Variants in HIVEP3 observed in about 807,000 individuals in gnomAD.
HIVEP3 encodes transcription factor HIVEP3.
HIVEP3 carries 49 observed loss-of-function variants against 152.8 expected under a neutral mutation model. The observed-to-expected ratio is 0.32, with a 90% CI of 0.26 to 0.41. HIVEP3 has a LOEUF of 0.41. Ranked by LOEUF, HIVEP3 falls within the 10% of genes least tolerant of loss-of-function variation. HIVEP3 has a pLI of 1.00. For synonymous variants in HIVEP3, 1,269 were observed against 1,289.0 expected (o/e 0.98, Z 0.33); for missense variants, 2,790 against 3,103.3 (o/e 0.90, Z 2.40).
intron 2 of HIVEP3, among the ~76,000 whole-genome samples, chr1:41,655,686 T>G (rs1645619252): frequency 6.7e-6 from 1 of 150,032 alleles, no homozygotes; most frequent in South Asian, 2.1e-4. Flanking sequence ...TTCATGCTTC[T>G]CCATGGCACT....
intron 5 of HIVEP3, among the ~76,000 whole-genome samples, chr1:41,559,679 G>T (rs997997063): frequency 6.6e-6 from 1 of 152,122 alleles, no homozygotes; most frequent in Non-Finnish European, 1.5e-5. Context: ...CCTCCTGTTG[G>T]CATATACTAA....
intron 1 of HIVEP3, among the ~76,000 whole-genome samples, chr1:41,793,188 T>TG (rs1172228566): frequency 1.3e-5 from 2 of 152,246 alleles, no homozygotes; most frequent in Non-Finnish European, 2.9e-5. Context: ...TCCTGCCTTC[T>TG]GGGGCTTCTT....
At position 41,948,772 on chromosome 1, in the gene HIVEP3, C is replaced by T. The variant is rs1433164178; in HGVS notation, n.120-30248G>A. Among the ~76,000 whole-genome samples the T allele has an allele frequency of 2.8e-5, 4 of 140,392 alleles. No homozygotes were observed. In the South Asian group the frequency reaches 8.3e-4, roughly 29 times the overall value. 92.1% of individuals were successfully genotyped at this position (140,392 alleles called of 152,430 possible). ...TTAAAACCCTTCACCAAACCTTTCC[C>T]TTAGGCATTGATAGCACCCATCAGA... On this transcript the variant is annotated intron_variant and non_coding_transcript_variant, in intron 1 of 3. Transcript: ENST00000489103.
At chr1:41,512,746 G>A in intron 8 of HIVEP3, 70 bp downstream of exon 8, 1 of 1,255,952 alleles carries the variant, frequency 8.0e-7, no homozygotes, top group Non-Finnish European at 1.1e-6. Flanking sequence ...TGATACCCAG[G>A]AGGGTGTGAA....
rs1034338085 is a variant in HIVEP3 at position 41,582,745 on chromosome 1, C to T, written c.2053G>A (p.Ala685Thr). The T allele has an allele frequency of 1.2e-6, 2 of 1,614,184 alleles. No individual in the cohort carries two copies. The highest frequency in any genetic ancestry group is 8.5e-7 in the Non-Finnish European group (1 of 1,180,022). The change falls in exon 4 of 9, where the codon GCT becomes ACT. Residue 685 changes from alanine (A) to threonine (T), a missense_variant. Physicochemically the swap from Ala to Thr is moderately conservative, Grantham distance 58. This residue lies in a region of HIVEP3 where 339 missense variants were observed against 327.0 expected (regional missense o/e 1.04). Transcript: ENST00000372583. This position sits in a 1 kb window ranked among gnomAD's most constrained non-coding sequence, Gnocchi z 4.7. ...ISAGTHTSPE[A>T]EKSQIEHEPW... ...TCATGCTCAATCTGACTCTTTTCAG[C>T]TTCTGGAGATGTGTGGGTGCCTGCA...
At chr1:41,907,712 G>A (rs1644736531) in intron 1 of HIVEP3, among the ~76,000 whole-genome samples, 1 of 152,152 alleles carries the variant, frequency 6.6e-6, no homozygotes, top group African/African-American at 2.4e-5. Flanking sequence ...ACCAAGAAGT[G>A]AGCAGCAGGA....
intron 1 of HIVEP3, among the ~76,000 whole-genome samples, chr1:41,741,030 C>T: frequency 6.6e-6 from 1 of 151,972 alleles, no homozygotes; most frequent in East Asian, 1.9e-4. Flanking sequence ...GGACTCCTAC[C>T]ATGTGCCAGC....
rs552879648 is a variant in HIVEP3, at chr1:41,637,421, A to G, written c.-720-8474T>C. Reference sequence around the variant, plus strand: ...TTTGTCTATGTGACGTACAAGCTTCAGCGCTTCTCACAGGTAGTCTCCCTG... The same window carrying G: ...TTTGTCTATGTGACGTACAAGCTTCGGCGCTTCTCACAGGTAGTCTCCCTG... On this transcript the variant is annotated intron_variant, in intron 2 of 8. Transcript: ENST00000372583. Among the ~76,000 whole-genome samples the G allele has an allele frequency of 2.0e-5, 3 of 152,364 alleles. No homozygotes were observed. In the East Asian group the frequency reaches 5.8e-4, roughly 29 times the overall value.
At chr1:41,642,309 G>A (rs965481852) in intron 2 of HIVEP3, among the ~76,000 whole-genome samples, 5 of 152,174 alleles carry the variant, frequency 3.3e-5, no homozygotes, top group African/African-American at 9.7e-5. Flanking sequence ...AGGCTGCCTC[G>A]GCATCAACAC....
At chr1:41,524,701 G>A (rs543165303) in intron 6 of HIVEP3, 34 bp downstream of exon 6, 17 of 1,583,458 alleles carry the variant, frequency 1.1e-5, no homozygotes, top group Non-Finnish European at 1.4e-5. Context: ...CCCTGCAGCG[G>A]GCAGGGGCAG....
chr1:41,621,601 G>A (rs1645048342), intron 3 of HIVEP3, among the ~76,000 whole-genome samples: 1 of 152,202 alleles, frequency 6.6e-6, no homozygotes, highest in African/African-American at 2.4e-5. Flanking sequence ...TGCAGCCTCC[G>A]TCTCCTGGGC....
intron 1 of HIVEP3, among the ~76,000 whole-genome samples, chr1:41,858,005 C>CTCTCT (rs1553123649): frequency 6.6e-6 from 1 of 152,084 alleles, no homozygotes; most frequent in Non-Finnish European, 1.5e-5. Flanking sequence ...CTCTCTCTCA[C>CTCTCT]CATTTATTAC....
chr1:42,000,581 T>C (rs181031097), intron 1 of HIVEP3, among the ~76,000 whole-genome samples: 4,981 of 152,286 alleles, frequency 0.033, 106 homozygotes, highest in African/African-American at 0.047. Context: ...GCCAGGTATC[T>C]GAGGACTCCC....
rs550917863 is a variant in HIVEP3 at position 41,527,656 on chromosome 1, C to T, written c.5208-2746G>A. 4.5e-3 allele frequency among the ~76,000 whole-genome samples: 550 copies of T among 120,972 alleles called. 6 individuals carry two copies. Among genetic ancestry groups the T allele is most frequent in the African/African-American group, 0.018 (527 of 28,778 alleles). The allele number at this position is 120,972 out of a possible 152,430, so 79.4% of individuals were successfully genotyped here. On this transcript the variant is annotated intron_variant, in intron 5 of 8. Coordinates refer to ENST00000372583, the MANE Select transcript of HIVEP3 (RefSeq NM_024503.5). ...CTCCACATCCCCACCCTCACACACCCGTTCTCACACATTCACACATCCCAC... is the reference window on the plus strand; with the variant it reads ...CTCCACATCCCCACCCTCACACACCTGTTCTCACACATTCACACATCCCAC...
intron 1 of HIVEP3, among the ~76,000 whole-genome samples, chr1:41,781,620 T>G (rs930714709): frequency 3.3e-5 from 5 of 152,180 alleles, no homozygotes; most frequent in Non-Finnish European, 1.5e-5. Context: ...CTCTTCTGCC[T>G]TCTAAAGGCT....
chr1:41,638,246 A>AAGAGAG (rs1158679483), intron 2 of HIVEP3, among the ~76,000 whole-genome samples: 18 of 115,786 alleles, frequency 1.6e-4, no homozygotes, highest in Admixed American at 1.1e-3. Context: ...CAGAGAAATA[A>AAGAGAG]AGAAAGAGAG....
At position 41,743,356 on chromosome 1, in the gene HIVEP3, C is replaced by T. The variant is rs201752104; in HGVS notation, c.-800-42361G>A. Among the ~76,000 whole-genome samples the T allele has an allele frequency of 4.6e-5, 7 of 152,332 alleles. No individual in the cohort carries two copies. In the South Asian group the frequency reaches 1.4e-3, roughly 32 times the overall value. On this transcript the variant is annotated intron_variant, in intron 1 of 8. Coordinates refer to ENST00000372583, the MANE Select transcript of HIVEP3 (RefSeq NM_024503.5). ...TAAGCTTTGTAAGTAAAGGAAAGAA[C>T]CTTGTCTGTCTCTTTCAGTGCTACC...
intron 1 of HIVEP3, among the ~76,000 whole-genome samples, chr1:41,978,696 A>C (rs1198843460): frequency 1.3e-5 from 2 of 152,222 alleles, no homozygotes; most frequent in African/African-American, 4.8e-5. Flanking sequence ...GCAGCCACTC[A>C]GTGCCAGGCA....
At chr1:41,623,898 C>T (rs1174607676) in intron 3 of HIVEP3, among the ~76,000 whole-genome samples, 2 of 59,568 alleles carry the variant, frequency 3.4e-5, no homozygotes, top group African/African-American at 1.5e-4. Flanking sequence ...CTCTGCATGC[C>T]GATCAGAGTG....
Sources: allele counts gnomAD v4.1 joint callset (sites outside exome capture counted in the v4.1 genomes callset), GRCh38; gene constraint gnomAD v4.1.1; regional missense constraint gnomAD v4.1.1; non-coding constraint Gnocchi (gnomAD v3.1); transcripts MANE v1.5; gene names NCBI Gene and HGNC (gene_info 2026-07-23, HGNC 2026-07-21).